IFT80: variants seen among roughly 807,000 people sequenced by gnomAD.
IFT80 encodes intraflagellar transport protein 80 homolog.
A neutral mutation model predicts 107.9 loss-of-function variants in IFT80; 79 were observed. That is an observed-to-expected ratio of 0.73 (90% confidence interval 0.61 to 0.88). The LOEUF is 0.88. IFT80 is among the 40% of genes least tolerant of loss of function. The pLI is 0.00. For missense variants in IFT80, 797 were observed against 914.2 expected, an observed-to-expected ratio of 0.87 and a Z score of 1.65; for synonymous variants, 299 against 300.9, an observed-to-expected ratio of 0.99 and a Z score of 0.07.
At chr3:160,298,977 G>T in intron 12 of IFT80, 1 of 323,084 alleles carries the variant, frequency 3.1e-6, no homozygotes, top group Non-Finnish European at 4.5e-6. Flanking sequence ...GCAGTCTGTT[G>T]TTGACTGAAA....
chr3:160,358,303 A>C (rs1400336713), intron 6 of IFT80, among the ~76,000 whole-genome samples: 1 of 149,438 alleles, frequency 6.7e-6, no homozygotes, highest in Non-Finnish European at 1.5e-5. Flanking sequence ...GTGAGCCACC[A>C]TGTTCAGCCC....
At chr3:160,341,266 C>A (rs1309523408) in intron 8 of IFT80, among the ~76,000 whole-genome samples, 4 of 151,794 alleles carry the variant, frequency 2.6e-5, no homozygotes, top group African/African-American at 9.7e-5. Context: ...CCTGCCTTGG[C>A]CTCCCAAAGT....
In IFT80 at chr3:160,288,685, T is replaced by C. The variant is rs115037059; in HGVS notation, c.1316-2817A>G. Among the ~76,000 whole-genome samples, 1,273 of 151,962 alleles carry C rather than the reference T, an allele frequency of 8.4e-3. 9 individuals carry two copies. The highest frequency in any genetic ancestry group is 0.012 in the Non-Finnish European group (787 of 67,950). ...CTGGGCAAAGGACAGGAACAGACAT[T>C]TAAAAGAAGATATACATGTGGCCAA... On this transcript the variant is annotated intron_variant, in intron 12 of 19. Coordinates refer to ENST00000326448, the MANE Select transcript of IFT80 (RefSeq NM_020800.3).
chr3:160,262,707 T>G (rs1712956346), intron 19 of IFT80, among the ~76,000 whole-genome samples: 1 of 152,152 alleles, frequency 6.6e-6, no homozygotes, highest in Non-Finnish European at 1.5e-5. Context: ...GAATTTATAT[T>G]TTGTCTTTAG....
Position 160,318,244 on chromosome 3 carries a change from TAAAC to T in IFT80, c.957+1512_957+1515del, listed in dbSNP as rs1717963887. 1.3e-5 allele frequency among the ~76,000 whole-genome samples: 2 copies of T among 151,650 alleles called. 1 individual carries two copies. The highest frequency in any genetic ancestry group is 4.8e-5 in the African/African-American group (2 of 41,344). On this transcript the variant is annotated intron_variant, in intron 9 of 19. Transcript: ENST00000326448. ...AAAAGTTTTATAATTTTAAAATAAATAAACAGAATAAAGAAAAAGTATAATATAC... is the reference window on the plus strand; with the variant it reads ...AAAAGTTTTATAATTTTAAAATAAATAGAATAAAGAAAAAGTATAATATAC...
intron 8 of IFT80, among the ~76,000 whole-genome samples, chr3:160,324,809 G>C (rs2108307032): frequency 6.6e-6 from 1 of 152,168 alleles, no homozygotes; most frequent in East Asian, 1.9e-4. Flanking sequence ...GAAATAAAGG[G>C]TATTCAATTA....
intron 9 of IFT80, among the ~76,000 whole-genome samples, chr3:160,309,911 A>G (rs1285042764): frequency 6.6e-6 from 1 of 152,136 alleles, no homozygotes. Flanking sequence ...GGTCAGAGAG[A>G]GTTACTCTTA....
chr3:160,353,136 T>C (rs1720834526), intron 8 of IFT80, among the ~76,000 whole-genome samples: 2 of 152,332 alleles, frequency 1.3e-5, no homozygotes, highest in South Asian at 4.1e-4. Context: ...CTTTGTTTAT[T>C]CTATTCCTTC....
At chr3:160,311,477 T>C (rs1717245302) in intron 9 of IFT80, among the ~76,000 whole-genome samples, 2 of 152,178 alleles carry the variant, frequency 1.3e-5, no homozygotes, top group African/African-American at 4.8e-5. Context: ...TTCTTATCTT[T>C]CAGACTGTTT....
chr3:160,304,845 C>A (rs377121602), intron 10 of IFT80, among the ~76,000 whole-genome samples: 2 of 152,064 alleles, frequency 1.3e-5, no homozygotes, highest in Non-Finnish European at 2.9e-5. Flanking sequence ...AAGCAGGTAC[C>A]AGAAAAACAG....
chr3:160,350,634 G>T (rs1303842606), intron 8 of IFT80, among the ~76,000 whole-genome samples: 3 of 152,036 alleles, frequency 2.0e-5, no homozygotes, highest in African/African-American at 7.2e-5. Context: ...GGCCAACATG[G>T]GGAAGCCCCA....
intron 9 of IFT80, among the ~76,000 whole-genome samples, chr3:160,312,397 T>G (rs1717343066): frequency 6.7e-6 from 1 of 150,316 alleles, no homozygotes. Flanking sequence ...TCTAGTCCCT[T>G]GTCTCACTTC....
intron 8 of IFT80, among the ~76,000 whole-genome samples, chr3:160,354,926 G>A (rs1720964574): frequency 6.6e-6 from 1 of 152,118 alleles, no homozygotes; most frequent in South Asian, 2.1e-4. Flanking sequence ...CAAGTAACCA[G>A]AAATCTTAAT....
intron 15 of IFT80, among the ~76,000 whole-genome samples, chr3:160,279,880 C>G (rs1369841978): frequency 6.6e-6 from 1 of 152,162 alleles, no homozygotes; most frequent in Non-Finnish European, 1.5e-5. Flanking sequence ...CATGATTACA[C>G]CACTGCATTC....
intron 19 of IFT80, among the ~76,000 whole-genome samples, chr3:160,263,385 G>A (rs1397339222): frequency 6.6e-6 from 1 of 152,120 alleles, no homozygotes. Context: ...TATCTTTCAA[G>A]TCATTCTCTT....
chr3:160,261,664 G>T (rs1712843465), intron 19 of IFT80, among the ~76,000 whole-genome samples: 1 of 150,936 alleles, frequency 6.6e-6, no homozygotes. Flanking sequence ...AGCTGGGCTT[G>T]GTGGCATTCA....
At chr3:160,309,722 A>G (rs1043747779) in intron 9 of IFT80, among the ~76,000 whole-genome samples, 1 of 152,130 alleles carries the variant, frequency 6.6e-6, no homozygotes, top group Non-Finnish European at 1.5e-5. Context: ...CAGCGTGTAT[A>G]GTATGATACC....
At chr3:160,368,051 G>A (rs995007192) in intron 5 of IFT80, among the ~76,000 whole-genome samples, 2 of 151,796 alleles carry the variant, frequency 1.3e-5, no homozygotes, top group Non-Finnish European at 2.9e-5. Flanking sequence ...TTGACTTTCT[G>A]TGAATCAACG....
At chr3:160,394,139 A>C (rs566613804) in intron 1 of IFT80, 1 of 152,406 alleles carries the variant, frequency 6.6e-6, no homozygotes, top group African/African-American at 2.4e-5. Context: ...GAAAAGAGAG[A>C]GAAGCAGGCT....
Sources: gnomAD v4.1 joint callset for allele counts (sites outside exome capture counted in the v4.1 genomes callset) on GRCh38, gnomAD v4.1.1 for gene constraint, MANE v1.5 for transcripts, NCBI Gene and HGNC (gene_info 2026-07-23, HGNC 2026-07-21) for gene names.